SPAG9: variants seen among roughly 807,000 people sequenced by gnomAD.
The protein encoded by SPAG9 is sperm associated antigen 9.
A neutral mutation model predicts 166.5 loss-of-function variants in SPAG9; 35 were observed. The observed-to-expected ratio is 0.21, with a 90% CI of 0.16 to 0.28. The LOEUF is 0.28. Ranked by LOEUF, SPAG9 falls within the 10% of genes least tolerant of loss-of-function variation. The pLI is 1.00. For synonymous variants in SPAG9, 534 were observed against 565.5 expected (o/e 0.94, Z 0.79); for missense variants, 1,235 against 1,603.3 (o/e 0.77, Z 3.92).
chr17:51,105,599 A>G (rs892214839), intron 1 of SPAG9, among the ~76,000 whole-genome samples: 4 of 152,148 alleles, frequency 2.6e-5, no homozygotes, highest in African/African-American at 9.6e-5. Context: ...GGCCGGGCGC[A>G]GTGGCTCAAG....
chr17:51,015,516 G>A (rs1462642793), intron 8 of SPAG9, among the ~76,000 whole-genome samples: 1 of 152,026 alleles, frequency 6.6e-6, no homozygotes, highest in Non-Finnish European at 1.5e-5. Flanking sequence ...AGTACCAGAT[G>A]TCTAAAGAAG....
At chr17:51,035,481 C>CTA (rs2046551024) in intron 5 of SPAG9, among the ~76,000 whole-genome samples, 1 of 152,152 alleles carries the variant, frequency 6.6e-6, no homozygotes, top group East Asian at 1.9e-4. Context: ...GATTCAACTA[C>CTA]TATAGAGATT....
intron 5 of SPAG9, among the ~76,000 whole-genome samples, chr17:51,036,511 T>C (rs915655994): frequency 6.6e-6 from 1 of 152,044 alleles, no homozygotes; most frequent in Non-Finnish European, 1.5e-5. Context: ...TGCCCTTCTT[T>C]TCCCATGCAT....
At chr17:51,021,430 G>A (rs2045932390) in intron 6 of SPAG9, 65 bp from the exon 7 acceptor site, 2 of 1,277,674 alleles carry the variant, frequency 1.6e-6, no homozygotes, top group Non-Finnish European at 2.2e-6. Flanking sequence ...CACATTAAAT[G>A]GGTTGAGAAA....
chr17:50,991,121 G>C (rs1975509764), intron 19 of SPAG9, among the ~76,000 whole-genome samples: 1 of 151,574 alleles, frequency 6.6e-6, no homozygotes. Context: ...TGGTCAGGCT[G>C]GTCTTGAACT....
At chr17:51,059,251 GC>G (rs978284409) in intron 2 of SPAG9, among the ~76,000 whole-genome samples, 37 of 152,194 alleles carry the variant, frequency 2.4e-4, no homozygotes, top group African/African-American at 8.4e-4. Flanking sequence ...TGCCTGTATA[GC>G]CCCAGCCCAC....
intron 2 of SPAG9, among the ~76,000 whole-genome samples, chr17:51,075,220 AAGAAG>A (rs2047936779): frequency 6.9e-6 from 1 of 145,146 alleles, no homozygotes; most frequent in Non-Finnish European, 1.5e-5. Flanking sequence ...AAAAAAAAAA[AAGAAG>A]AAGAAGAAGA....
At chr17:51,026,232 A>C (rs1347675417) in intron 6 of SPAG9, among the ~76,000 whole-genome samples, 1 of 151,780 alleles carries the variant, frequency 6.6e-6, no homozygotes, top group African/African-American at 2.4e-5. Flanking sequence ...GAAGTGTGGC[A>C]AAGGCCTACT....
intron 6 of SPAG9, among the ~76,000 whole-genome samples, chr17:51,025,362 T>C (rs2046121745): frequency 6.9e-6 from 1 of 145,670 alleles, no homozygotes; most frequent in Non-Finnish European, 1.5e-5. Flanking sequence ...TTTTCTTGAA[T>C]TGGTAACTGG....
intron 28 of SPAG9, among the ~76,000 whole-genome samples, chr17:50,974,417 C>G (rs1281898476): frequency 6.6e-6 from 1 of 152,166 alleles, no homozygotes; most frequent in Non-Finnish European, 1.5e-5. Flanking sequence ...ATTCTCTCTT[C>G]CTCCATGCAG....
chr17:50,986,386 T>G (rs1405016653), intron 22 of SPAG9, among the ~76,000 whole-genome samples: 1 of 152,198 alleles, frequency 6.6e-6, no homozygotes. Context: ...ATACTACAGG[T>G]TGAGTAACCC....
intron 25 of SPAG9, among the ~76,000 whole-genome samples, chr17:50,980,779 T>C (rs890523228): frequency 3.7e-4 from 42 of 114,622 alleles, no homozygotes; most frequent in African/African-American, 1.3e-3. Context: ...GGGAGGACTA[T>C]TTGAGCCCAG....
intron 2 of SPAG9, among the ~76,000 whole-genome samples, chr17:51,062,670 A>C (rs2047549648): frequency 6.6e-6 from 1 of 152,168 alleles, no homozygotes; most frequent in Non-Finnish European, 1.5e-5. Flanking sequence ...AGCTCACTGC[A>C]ACCTCCGCCT....
intron 3 of SPAG9, among the ~76,000 whole-genome samples, chr17:51,048,613 A>T (rs954256148): frequency 1.3e-5 from 2 of 152,152 alleles, no homozygotes; most frequent in Non-Finnish European, 2.9e-5. Context: ...GTAACAAAAT[A>T]AAATTTTTAA....
chr17:50,978,185 A>G (rs1974329020), intron 26 of SPAG9, among the ~76,000 whole-genome samples: 1 of 152,206 alleles, frequency 6.6e-6, no homozygotes, highest in South Asian at 2.1e-4. Flanking sequence ...AGACAACACT[A>G]GTACTCATAA....
chr17:51,030,675 T>G (rs2046351047), intron 6 of SPAG9, among the ~76,000 whole-genome samples: 1 of 152,178 alleles, frequency 6.6e-6, no homozygotes, highest in Non-Finnish European at 1.5e-5. Flanking sequence ...TACTCACATT[T>G]AGGTAAAATC....
intron 9 of SPAG9, among the ~76,000 whole-genome samples, chr17:51,013,768 A>T (rs548918435): frequency 2.2e-4 from 34 of 152,358 alleles, no homozygotes; most frequent in Non-Finnish European, 4.7e-4. Flanking sequence ...GGGCTAAAAC[A>T]TAATATACTC....
rs751506863 is a variant in SPAG9, at chr17:50,984,977, T to C, written c.3034A>G (p.Ile1012Val). 5 of 1,614,174 alleles carry C rather than the reference T, an allele frequency of 3.1e-6. No individual in the cohort carries two copies. The highest frequency in any genetic ancestry group is 3.3e-4 in the Middle Eastern group (2 of 6,062). ...CCGTCAGCCAGGGCTACTAACACGA[T>C]TCCCTTCACGTGTCTGCAAACAGGA... ...SILSIVHVKGIVLVALADGTL... is the reference protein window; with the variant it reads ...SILSIVHVKGVVLVALADGTL... Residue 1012 changes from isoleucine to valine, a missense_variant, in exon 24 of 30, where the codon ATC becomes GTC. Coordinates refer to ENST00000262013, the MANE Select transcript of SPAG9 (RefSeq NM_001130528.3).
In SPAG9 at chr17:50,998,568, G is replaced by T; in HGVS notation, c.1714C>A (p.Pro572Thr). 2 of 1,614,162 alleles carry T rather than the reference G, an allele frequency of 1.2e-6. No homozygotes were observed. The highest frequency in any genetic ancestry group is 1.7e-6 in the Non-Finnish European group (2 of 1,180,028). Residue 572 changes from proline (P) to threonine (T), a missense_variant, in exon 15 of 30, where the codon CCA becomes ACA. Physicochemically the swap from Pro to Thr is conservative, Grantham distance 38 (BLOSUM62 -1). Transcript: ENST00000262013. ...SSSNTTKKPEPPVNLKYNAPT... is the reference protein window; with the variant it reads ...SSSNTTKKPETPVNLKYNAPT... The stretch of plus-strand genomic sequence containing the variant: ...GCATTGTACTTCAGATTAACAGGTG[G>T]TTCAGGCTTCTTAGTCGTGTTACTT...
Sources: gnomAD v4.1 joint callset for allele counts (sites outside exome capture counted in the v4.1 genomes callset) on GRCh38, gnomAD v4.1.1 for gene constraint, MANE v1.5 for transcripts, NCBI Gene and HGNC (gene_info 2026-07-23, HGNC 2026-07-21) for gene names.